EML6: variants seen among roughly 807,000 people sequenced by gnomAD.
EML6 encodes echinoderm microtubule-associated protein-like 6.
Under a neutral mutation model 240.1 loss-of-function variants are expected in EML6, and 154 were observed. That is an observed-to-expected ratio of 0.64 (90% CI 0.56 to 0.73). EML6 has a LOEUF of 0.73. EML6 is among the 30% of genes least tolerant of loss of function. The pLI is 0.00. For synonymous variants in EML6, 1,148 were observed against 899.0 expected (o/e 1.28, Z -4.95); for missense variants, 2,964 against 2,474.6 (o/e 1.20, Z -4.20).
At chr2:54,859,378 G>A (rs1028987390) in intron 11 of EML6, among the ~76,000 whole-genome samples, 156 bp from the exon 12 acceptor site, 5 of 152,184 alleles carry the variant, frequency 3.3e-5, no homozygotes, top group African/African-American at 1.2e-4. Context: ...GATATATTTT[G>A]AAGCATTTGG....
chr2:54,947,004 G>A (rs953314566), intron 28 of EML6, among the ~76,000 whole-genome samples: 3 of 151,074 alleles, frequency 2.0e-5, no homozygotes, highest in Admixed American at 6.6e-5. Context: ...GTTTGTGCTT[G>A]TACGCATACT....
At chr2:54,945,297 C>A (rs1436707610) in intron 28 of EML6, among the ~76,000 whole-genome samples, 1 of 131,836 alleles carries the variant, frequency 7.6e-6, no homozygotes, top group Non-Finnish European at 1.6e-5. Flanking sequence ...TCCCCCTTCT[C>A]TCTCCCCTCC....
intron 16 of EML6, among the ~76,000 whole-genome samples, chr2:54,877,890 C>A (rs1018409986): frequency 6.6e-6 from 1 of 152,186 alleles, no homozygotes. Flanking sequence ...CTCTGACTCT[C>A]CTTCATCCAG....
chr2:54,867,061 C>T (rs1301817620), intron 14 of EML6, 177 bp downstream of exon 14: 4 of 464,484 alleles, frequency 8.6e-6, no homozygotes, highest in Non-Finnish European at 1.6e-5. Flanking sequence ...ACTCTCTATC[C>T]ACTTCCCTCG....
At chr2:54,811,838 C>T (rs1310193128) in intron 2 of EML6, among the ~76,000 whole-genome samples, 2 of 152,164 alleles carry the variant, frequency 1.3e-5, no homozygotes, top group Non-Finnish European at 2.9e-5. Flanking sequence ...TAATCTCTCA[C>T]CAACTGAATG....
chr2:54,839,575 C>G (rs572065886), intron 7 of EML6, among the ~76,000 whole-genome samples: 1 of 152,258 alleles, frequency 6.6e-6, no homozygotes, highest in Admixed American at 6.5e-5. Context: ...TCTTCCCTTC[C>G]ACCCATGTGT....
At chr2:54,856,510 C>T (rs1670389291) in intron 11 of EML6, among the ~76,000 whole-genome samples, 1 of 152,218 alleles carries the variant, frequency 6.6e-6, no homozygotes, top group African/African-American at 2.4e-5. Context: ...TGAACAGCCA[C>T]CTCCCATGAT....
Position 54,916,914 on chromosome 2 carries a change from G to T in EML6, c.3654G>T (p.Lys1218Asn). 1 of 1,546,170 alleles carries T rather than the reference G, an allele frequency of 6.5e-7. No individual in the cohort carries two copies. Among genetic ancestry groups the T allele is most frequent in the Non-Finnish European group, 8.8e-7 (1 of 1,142,414 alleles). Residue 1218 changes from lysine (K) to asparagine (N), a missense_variant, in exon 26 of 42, where the codon AAG (lysine) becomes AAT (asparagine). Physicochemically the swap from Lys to Asn is moderately conservative, Grantham distance 94. Coordinates refer to ENST00000356458, the MANE Select transcript of EML6 (RefSeq NM_001039753.4). Reference sequence around the variant, plus strand: ...CCGGAGATGATTTTGGTTTCGTTAAGCTTTTTTCATATCCTGTCAAGGTAA... The same window carrying T: ...CCGGAGATGATTTTGGTTTCGTTAATCTTTTTTCATATCCTGTCAAGGTAA... ...LATGDDFGFV[K>N]LFSYPVKGQH... is the part of the protein sequence containing the mutation.
chr2:54,747,879 A>G (rs1572851983), intron 2 of EML6, among the ~76,000 whole-genome samples: 1 of 152,188 alleles, frequency 6.6e-6, no homozygotes, highest in Non-Finnish European at 1.5e-5. Context: ...TTATAACTAC[A>G]TTATACAAAT....
At chr2:54,951,440 G>A (rs1468275282) in intron 30 of EML6, among the ~76,000 whole-genome samples, 1 of 152,062 alleles carries the variant, frequency 6.6e-6, no homozygotes, top group African/African-American at 2.4e-5. Context: ...AGCTGAGGCA[G>A]GAGAACCCAG....
intron 7 of EML6, among the ~76,000 whole-genome samples, chr2:54,839,527 T>G (rs974720499): frequency 1.3e-5 from 2 of 152,244 alleles, no homozygotes; most frequent in African/African-American, 2.4e-5. Flanking sequence ...AAGTTGATAT[T>G]GCAAGCAATG....
At chr2:54,935,049 T>C (rs1036558489) in intron 28 of EML6, among the ~76,000 whole-genome samples, 9 of 152,212 alleles carry the variant, frequency 5.9e-5, no homozygotes, top group Non-Finnish European at 8.8e-5. Flanking sequence ...ATTATTTGTC[T>C]CTGGAAGGAA....
At chr2:54,749,952 T>G (rs1315793113) in intron 2 of EML6, among the ~76,000 whole-genome samples, 1 of 152,224 alleles carries the variant, frequency 6.6e-6, no homozygotes, top group African/African-American at 2.4e-5. Context: ...AGGTCCCTAC[T>G]GAAAAAACTA....
rs865893120 is a variant in EML6, at chr2:54,829,421, C to G, written c.791C>G (p.Thr264Ser). Residue 264 changes from threonine (T) to serine (S), a missense_variant, in exon 7 of 42, where the codon ACT (threonine) becomes AGT (serine). Coordinates refer to ENST00000356458, the MANE Select transcript of EML6 (RefSeq NM_001039753.4). Reference sequence around the variant, plus strand: ...GATGGGTGTATACGACTGTGGGACACTGATTTCAAACCAATAACCAAAATT... The same window carrying G: ...GATGGGTGTATACGACTGTGGGACAGTGATTTCAAACCAATAACCAAAATT... ...GRDGCIRLWD[T>S]DFKPITKIDL... 1.3e-6 allele frequency: 2 copies of G among 1,551,670 alleles called. No homozygotes were observed. The highest frequency in any genetic ancestry group is 2.4e-5 in the South Asian group (2 of 84,052).
At chr2:54,895,913 C>T (rs1445405465) in intron 21 of EML6, among the ~76,000 whole-genome samples, 1 of 152,176 alleles carries the variant, frequency 6.6e-6, no homozygotes, top group African/African-American at 2.4e-5. Flanking sequence ...ATAGATACTA[C>T]AATTTTATGT....
chr2:54,893,439 C>G (rs540281062), intron 19 of EML6, among the ~76,000 whole-genome samples: 3 of 152,022 alleles, frequency 2.0e-5, no homozygotes, highest in African/African-American at 4.8e-5. Context: ...AGTAATGAAC[C>G]CACTCCTACA....
chr2:54,779,883 A>C, intron 2 of EML6, among the ~76,000 whole-genome samples: 1 of 143,712 alleles, frequency 7.0e-6, no homozygotes, highest in Admixed American at 6.9e-5. Flanking sequence ...AAAAAAAAAG[A>C]ATATAGTAAG....
chr2:54,930,204 T>C (rs1403325933), intron 28 of EML6, among the ~76,000 whole-genome samples: 1 of 152,234 alleles, frequency 6.6e-6, no homozygotes, highest in Non-Finnish European at 1.5e-5. Context: ...TGTAACTCAT[T>C]CGTACATCAT....
chr2:54,784,101 T>G (rs1668971197), intron 2 of EML6, among the ~76,000 whole-genome samples: 1 of 152,022 alleles, frequency 6.6e-6, no homozygotes. Context: ...CATGTGCTAC[T>G]CATGCCTAAT....
Sources: gnomAD v4.1 joint callset for allele counts (sites outside exome capture counted in the v4.1 genomes callset) on GRCh38, gnomAD v4.1.1 for gene constraint, MANE v1.5 for transcripts, NCBI Gene and HGNC (gene_info 2026-07-23, HGNC 2026-07-21) for gene names.